Variants in ALOX5 observed in about 807,000 individuals in gnomAD.
ALOX5 encodes polyunsaturated fatty acid 5-lipoxygenase.
In ALOX5, 64 loss-of-function variants were observed where a neutral mutation model predicts 87.9. The ratio of observed to expected loss-of-function variants is 0.73; its 90% CI spans 0.60 to 0.90. ALOX5 has a LOEUF of 0.90. Among genes scored for constraint, ALOX5 ranks in the 40% least tolerant of loss-of-function variants. The pLI, the probability that ALOX5 is intolerant of heterozygous loss-of-function variation, is 0.00. For synonymous variants in ALOX5, 388 were observed against 355.1 expected, an observed-to-expected ratio of 1.09 and a Z score of -1.04; for missense variants, 822 against 907.5, an observed-to-expected ratio of 0.91 and a Z score of 1.21.
Position 45,412,318 on chromosome 10 carries a change from G to A in ALOX5, c.554+5G>A. The stretch of plus-strand genomic sequence containing the variant: ...TGTTCTGAATTACTCCAAAGCGTAA[G>A]TTTACGAGAACTGAGGGACTCTGGG... On this transcript the variant is annotated splice_donor_5th_base_variant and intron_variant, in intron 4 of 13. Transcript: ENST00000374391. 6.2e-7 allele frequency: 1 copy of A among 1,614,100 alleles called. No individual in the cohort carries two copies. Among genetic ancestry groups the A allele is most frequent in the Non-Finnish European group, 8.5e-7 (1 of 1,179,968 alleles).
chr10:45,424,185 C>T (rs1014421020), intron 5 of ALOX5, 38 bp downstream of exon 5: 4 of 1,518,060 alleles, frequency 2.6e-6, no homozygotes, highest in Admixed American at 3.3e-5. Flanking sequence ...GTGCTGGGGA[C>T]AGGGGATGCT....
Position 45,379,588 on chromosome 10 carries a change from G to A in ALOX5, c.151-2895G>A, listed in dbSNP as rs189417584. On this transcript the variant is annotated intron_variant, in intron 1 of 13. Coordinates refer to ENST00000374391, the MANE Select transcript of ALOX5 (RefSeq NM_000698.5). ...CATGTAGTCACGAAGTGGCCGTGAC[G>A]CAGGGGCCCATGCTAGCTCACAGGC... Among the ~76,000 whole-genome samples, 300 of 152,308 alleles carry A rather than the reference G, an allele frequency of 2.0e-3. 2 individuals are homozygous for A. The highest frequency in any genetic ancestry group is 6.6e-3 in the African/African-American group (274 of 41,566).
Position 45,444,193 on chromosome 10 carries a change from C to A in ALOX5, c.1752C>A (p.Thr584=), listed in dbSNP as rs1842354831. ...APPPTAKGVV[T]IEQIVDTLPD... is the part of the protein sequence containing the mutation. ...CACCGACTGCCAAGGGCGTGGTGAC[C>A]ATTGAGCAGATCGTGGACACGCTGC... Residue 584 remains threonine (T), a synonymous_variant, in exon 13 of 14, where the codon ACC becomes ACA. Transcript: ENST00000374391. 6.4e-7 allele frequency: 1 copy of A among 1,557,006 alleles called. No individual in the cohort carries two copies. The highest frequency in any genetic ancestry group is 1.7e-4 in the Middle Eastern group (1 of 5,852).
At chr10:45,426,473 G>A (rs1160684832) in intron 6 of ALOX5, among the ~76,000 whole-genome samples, 1 of 152,228 alleles carries the variant, frequency 6.6e-6, no homozygotes, top group Non-Finnish European at 1.5e-5. Flanking sequence ...CCATCTGGCA[G>A]CACCTTAATG....
chr10:45,395,854 G>A lies in ALOX5; in HGVS notation c.350-1G>A, dbSNP rs754541871. The A allele has an allele frequency of 6.2e-7, 1 of 1,614,082 alleles. No individual in the cohort carries two copies. The highest frequency in any genetic ancestry group is 1.3e-5 in the African/African-American group (1 of 75,030). ...CCTCTCATGTTGTTCTTTCTTTACA[G>A]CAAAGTTGGCCCGAGATGACCAAAT... On this transcript the variant is annotated splice_acceptor_variant, in intron 2 of 13. Transcript: ENST00000374391. LOFTEE classifies it high-confidence loss of function.
rs1252068855 is a variant in ALOX5, at chr10:45,412,150, G to C, written c.432-41G>C. On this transcript the variant is annotated intron_variant, in intron 3 of 13. Transcript: ENST00000374391. ...CCTCAGCTGAGGGGGCAGACCAAAG[G>C]CTGGCATTTAACTCAATTTCTTCTC... 5 of 1,613,176 alleles carry C rather than the reference G, an allele frequency of 3.1e-6. No individual in the cohort carries two copies. In the Admixed American group the frequency reaches 5.0e-5, roughly 16 times the overall value.
At chr10:45,387,570 T>C (rs1840051892) in intron 2 of ALOX5, among the ~76,000 whole-genome samples, 1 of 151,866 alleles carries the variant, frequency 6.6e-6, no homozygotes, top group African/African-American at 2.4e-5. Flanking sequence ...AGGGGCTGAG[T>C]GGAAGGTTAG....
chr10:45,441,540 G>A, intron 9 of ALOX5, 110 bp downstream of exon 9: 1 of 1,132,132 alleles, frequency 8.8e-7, no homozygotes, highest in Admixed American at 1.9e-5. Context: ...GGTGAAGGCT[G>A]GAGTCTGCTC....
chr10:45,442,694 G>A (rs1263009937), intron 9 of ALOX5: 1 of 299,816 alleles, frequency 3.3e-6, no homozygotes, highest in Non-Finnish European at 6.2e-6. Context: ...CTCAGCACTA[G>A]AGCAGACTTC....
intron 7 of ALOX5, among the ~76,000 whole-genome samples, chr10:45,429,178 C>T (rs1019795397): frequency 3.3e-5 from 5 of 152,122 alleles, no homozygotes; most frequent in African/African-American, 1.2e-4. Context: ...GATGTGAGTT[C>T]TTATGTCCAC....
At chr10:45,399,571 A>G (rs1840626420) in intron 3 of ALOX5, among the ~76,000 whole-genome samples, 1 of 152,238 alleles carries the variant, frequency 6.6e-6, no homozygotes, top group Non-Finnish European at 1.5e-5. Flanking sequence ...AAGTCTTCAT[A>G]ATCTTGGGTT....
intron 4 of ALOX5, 150 bp from the exon 5 acceptor site, chr10:45,423,891 G>A (rs1841594701): frequency 2.9e-6 from 2 of 683,252 alleles, no homozygotes; most frequent in Non-Finnish European, 2.6e-6. Context: ...GCCAGTTTCT[G>A]ACCTGGTTCT....
At chr10:45,398,379 C>G (rs1287391000) in intron 3 of ALOX5, among the ~76,000 whole-genome samples, 1 of 152,108 alleles carries the variant, frequency 6.6e-6, no homozygotes, top group African/African-American at 2.4e-5. Context: ...AATGTAAGAG[C>G]TAAAACTATA....
Position 45,377,830 on chromosome 10 carries a change from A to G in ALOX5, c.150+3401A>G, listed in dbSNP as rs74128478. Among the ~76,000 whole-genome samples the G allele has an allele frequency of 5.4e-3, 824 of 152,356 alleles. 8 individuals carry two copies. Among genetic ancestry groups the G allele is most frequent in the African/African-American group, 0.019 (787 of 41,574 alleles). Reference sequence around the variant, plus strand: ...GAAAACTTTCCTAAAATGCTGATAGAAAGCTCACATGAAAACTGACCAACT... The same window carrying G: ...GAAAACTTTCCTAAAATGCTGATAGGAAGCTCACATGAAAACTGACCAACT... On this transcript the variant is annotated intron_variant, in intron 1 of 13. Transcript: ENST00000374391.
At chr10:45,399,349 G>A (rs1840619070) in intron 3 of ALOX5, among the ~76,000 whole-genome samples, 1 of 152,154 alleles carries the variant, frequency 6.6e-6, no homozygotes, top group African/African-American at 2.4e-5. Context: ...CTTTTGCCGG[G>A]GATGAAAATG....
At chr10:45,418,167 C>T (rs866231971) in intron 4 of ALOX5, among the ~76,000 whole-genome samples, 1 of 152,056 alleles carries the variant, frequency 6.6e-6, no homozygotes, top group Admixed American at 6.6e-5. Context: ...TTGAGTTCTG[C>T]GGGGGAGAGA....
rs142598335 is a variant in ALOX5 at position 45,421,578 on chromosome 10, A to C, written c.555-2463A>C. Among the ~76,000 whole-genome samples the C allele has an allele frequency of 3.2e-3, 492 of 152,348 alleles. 3 individuals are homozygous for C. The highest frequency in any genetic ancestry group is 5.9e-3 in the Non-Finnish European group (398 of 68,030). On this transcript the variant is annotated intron_variant, in intron 4 of 13. Transcript: ENST00000374391. ...CAAGCATTCCTAGCCCAGAACACTC[A>C]GCTGACGAGGGGTGCTGGGGGAGGA...
chr10:45,428,497 T>C (rs1252514503), intron 6 of ALOX5, 121 bp from the exon 7 acceptor site: 1 of 1,271,406 alleles, frequency 7.9e-7, no homozygotes, highest in Non-Finnish European at 1.1e-6. Flanking sequence ...GTACACATTC[T>C]GAGCTCCGCT....
chr10:45,393,100 T>C (rs1186372701), intron 2 of ALOX5, among the ~76,000 whole-genome samples: 1 of 152,230 alleles, frequency 6.6e-6, no homozygotes, highest in Non-Finnish European at 1.5e-5. Context: ...CTAACTCATT[T>C]TATGAGGCCA....
Sources: allele counts gnomAD v4.1 joint callset (sites outside exome capture counted in the v4.1 genomes callset), GRCh38; gene constraint gnomAD v4.1.1; transcripts MANE v1.5; gene names NCBI Gene and HGNC (gene_info 2026-07-23, HGNC 2026-07-21).